The following LILRA2 variants were observed in gnomAD, a reference collection of about 807,000 sequenced individuals.
LILRA2 encodes the protein leukocyte immunoglobulin like receptor A2, also known as leukocyte immunoglobulin-like receptor subfamily A member 2.
Under a neutral mutation model 47.9 loss-of-function variants are expected in LILRA2, and 45 were observed. The ratio of observed to expected loss-of-function variants is 0.94; its 90% confidence interval spans 0.74 to 1.20. LILRA2 has a LOEUF of 1.20. Among genes scored for constraint, LILRA2 ranks in the 50% most tolerant of loss-of-function variants. The pLI is 0.00. For synonymous variants in LILRA2, 279 were observed against 249.2 expected, an observed-to-expected ratio of 1.12 and a Z score of -1.13; for missense variants, 651 against 598.2, an observed-to-expected ratio of 1.09 and a Z score of -0.92.
Position 54,590,222 on chromosome 19 carries a change from C to T in LILRA2, c.*2876C>T, listed in dbSNP as rs1271462534. 1 of 152,000 alleles carries T rather than the reference C, an allele frequency of 6.6e-6. No homozygotes were observed. The highest frequency in any genetic ancestry group is 2.1e-4 in the South Asian group (1 of 4,830). The allele number at this position is 152,000 out of a possible 1,614,324, so 9.4% of individuals were successfully genotyped here. A position where few individuals can be genotyped will look rare whatever the true frequency, so the allele number is the denominator to read the frequency against. On this transcript the variant is annotated 3_prime_UTR_variant, in exon 8 of 8. Transcript: ENST00000391738. ...TCTTTGTGTGCATTAATTATCTTTT[C>T]TATTTTTTTCATTTCTAGTTTTTCT...
chr19:54,573,652 C>A, upstream of LILRA2: 2 of 899,308 alleles, frequency 2.2e-6, no homozygotes, highest in South Asian at 1.7e-5. Flanking sequence ...GACCCCATTA[C>A]AGTCTGAAAT....
Position 54,575,448 on chromosome 19 carries a change from GC to G in LILRA2, c.851del (p.Pro284LeufsTer2). ...CTCTCCCAGGCCAACTTCACCCTGG[GC>G]CCTGTGAGCCCCTCCCACGGGGGCC... The part of the protein sequence containing the change: ...AGLSQANFTL[G>X]PVSPSHGGQY... On this transcript the variant is annotated frameshift_variant, in exon 5 of 8. Coordinates refer to ENST00000391738, the MANE Select transcript of LILRA2 (RefSeq NM_001130917.3). LOFTEE classifies it high-confidence loss of function. The G allele has an allele frequency of 6.2e-7, 1 of 1,613,864 alleles. No individual in the cohort carries two copies. Among genetic ancestry groups the G allele is most frequent in the Non-Finnish European group, 8.5e-7 (1 of 1,179,966 alleles).
intron 6 of LILRA2, among the ~76,000 whole-genome samples, chr19:54,583,927 G>A (rs1428129739): frequency 6.6e-6 from 1 of 152,156 alleles, no homozygotes; most frequent in East Asian, 1.9e-4. Context: ...TCCTTTCCAT[G>A]TTTAGTGCTT....
At chr19:54,573,352 C>A, upstream of LILRA2, 2 of 691,856 alleles carry the variant, frequency 2.9e-6, no homozygotes, top group South Asian at 1.5e-5. Context: ...GTGTCAGGTG[C>A]GTCTCTGCTG....
In LILRA2 at chr19:54,575,983, C is replaced by T. The variant is rs778497355; in HGVS notation, c.1129C>T (p.Gln377Ter). The T allele has an allele frequency of 2.5e-6, 4 of 1,614,046 alleles. No individual in the cohort carries two copies. Among genetic ancestry groups the T allele is most frequent in the Non-Finnish European group, 3.4e-6 (4 of 1,179,986 alleles). Residue 377 changes from glutamine (Q) to a stop codon, truncating the protein, a stop_gained, in exon 6 of 8, where the codon CAG (glutamine) becomes TAG (stop). Coordinates refer to ENST00000391738, the MANE Select transcript of LILRA2 (RefSeq NM_001130917.3). LOFTEE classifies it high-confidence loss of function. ...ATCAGAGCACCAAGCTCAGCAGAACCAGGCTGAATTCCGCATGGGTCCTGT... is the reference window on the plus strand; with the variant it reads ...ATCAGAGCACCAAGCTCAGCAGAACTAGGCTGAATTCCGCATGGGTCCTGT... Reference protein sequence around the residue: ...LRSEHQAQQNQAEFRMGPVTS... With the variant: ...LRSEHQAQQN
At chr19:54,583,963 C>T (rs968635357) in intron 6 of LILRA2, among the ~76,000 whole-genome samples, 8 of 152,126 alleles carry the variant, frequency 5.3e-5, no homozygotes, top group African/African-American at 1.9e-4. Flanking sequence ...TTAAGGCAGG[C>T]CTGGTGGTGA....
intron 6 of LILRA2, among the ~76,000 whole-genome samples, chr19:54,578,119 T>TTTTA (rs1555779640): frequency 0.036 from 5,412 of 150,620 alleles, 344 homozygotes; most frequent in African/African-American, 0.12. Context: ...TTTGATTTCT[T>TTTTA]TATATATATA....
At chr19:54,576,235 C>T (rs113056067) in intron 6 of LILRA2, 126 bp downstream of exon 6, 55,070 of 1,227,666 alleles carry the variant, frequency 0.045, 251 homozygotes, top group South Asian at 0.078. Flanking sequence ...AGGGTCCAGC[C>T]CATGGGAGAG....
chr19:54,574,158 C>T, intron 2 of LILRA2, 47 bp downstream of exon 2: 8 of 1,614,282 alleles, frequency 5.0e-6, no homozygotes, highest in Non-Finnish European at 4.2e-6. Flanking sequence ...TCACTAGGGA[C>T]AAGGGGCCAC....
chr19:54,573,194 A>G, upstream of LILRA2: 1 of 399,294 alleles, frequency 2.5e-6, no homozygotes, highest in Non-Finnish European at 4.7e-6. Flanking sequence ...TATGTGGCCC[A>G]GGGTAATCTG....
Position 54,587,264 on chromosome 19 carries a change from G to C in LILRA2, c.1370G>C (p.Gly457Ala). 6.2e-7 allele frequency: 1 copy of C among 1,614,158 alleles called. No individual in the cohort carries two copies. The highest frequency in any genetic ancestry group is 1.1e-5 in the South Asian group (1 of 91,082). Residue 457 changes from glycine (G) to alanine (A), a missense_variant, in exon 8 of 8, where the codon GGC becomes GCC. Physicochemically the swap from Gly to Ala is moderately conservative, Grantham distance 60 (BLOSUM62 0). Transcript: ENST00000391738. ...VENLIRMGVA[G>A]LVLVVLGILL... ...AATCTCATCCGCATGGGTGTGGCTG[G>C]CTTGGTCCTGGTGGTCCTCGGGATT...
chr19:54,578,603 C>T (rs1313491593), intron 6 of LILRA2, among the ~76,000 whole-genome samples: 3 of 152,120 alleles, frequency 2.0e-5, no homozygotes, highest in Admixed American at 6.6e-5. Context: ...GTGTCTTTGT[C>T]GTAGAATGGT....
At chr19:54,574,221 G>A (rs1261048844) in intron 2 of LILRA2, 80 bp from the exon 3 acceptor site, 7 of 1,613,908 alleles carry the variant, frequency 4.3e-6, no homozygotes, top group African/African-American at 4.0e-5. Flanking sequence ...TGATGGGGGT[G>A]TCTGGAGGGT....
upstream of LILRA2, chr19:54,573,556 G>A (rs2062213273): frequency 1.3e-6 from 1 of 770,974 alleles, no homozygotes; most frequent in Non-Finnish European, 2.2e-6. Context: ...GCAGACGCAG[G>A]AGGGCACCAG....
chr19:54,582,153 G>C (rs1213728169), intron 6 of LILRA2, among the ~76,000 whole-genome samples: 1 of 152,186 alleles, frequency 6.6e-6, no homozygotes, highest in Non-Finnish European at 1.5e-5. Context: ...TAAGCTTTTT[G>C]ATGTGCTGCT....
In LILRA2 at chr19:54,589,824, T is replaced by A; in HGVS notation, c.*2478T>A. 1 of 152,298 alleles carries A rather than the reference T, an allele frequency of 6.6e-6. No individual in the cohort carries two copies. Among genetic ancestry groups the A allele is most frequent in the East Asian group, 1.9e-4 (1 of 5,186 alleles). 9.4% of individuals were successfully genotyped at this position (152,298 alleles called of 1,614,324 possible). A position where few individuals can be genotyped will look rare whatever the true frequency, so the allele number is the denominator to read the frequency against. ...GGTATTTACTCACCATTTTGACTCC[T>A]CTTAACGAGACAGGCACATGCCAGC... is the stretch of plus-strand genomic sequence containing the variant. On this transcript the variant is annotated 3_prime_UTR_variant, in exon 8 of 8. Transcript: ENST00000391738.
At position 54,575,480 on chromosome 19, in the gene LILRA2, A is replaced by G. The variant is rs778845470; in HGVS notation, c.880A>G (p.Arg294Gly). ...PVSPSHGGQY[R>G]CYSAHNLSSE... ...GAGCCCCTCCCACGGGGGCCAGTAC[A>G]GATGCTACAGTGCACACAACCTCTC... The change falls in exon 5 of 8, where the codon AGA (arginine) becomes GGA (glycine). Residue 294 changes from arginine (R) to glycine (G), a missense_variant. Arg to Gly is a moderately radical substitution (Grantham distance 125). Coordinates refer to ENST00000391738, the MANE Select transcript of LILRA2 (RefSeq NM_001130917.3). 6.2e-7 allele frequency: 1 copy of G among 1,613,386 alleles called. No individual in the cohort carries two copies. Among genetic ancestry groups the G allele is most frequent in the South Asian group, 1.1e-5 (1 of 91,034 alleles).
chr19:54,578,492 A>G (rs1221166189), intron 6 of LILRA2, among the ~76,000 whole-genome samples: 1 of 152,192 alleles, frequency 6.6e-6, no homozygotes, highest in East Asian at 1.9e-4. Context: ...TCCATGGTGT[A>G]TATGTGCCAC....
intron 6 of LILRA2, among the ~76,000 whole-genome samples, chr19:54,576,396 G>A (rs559711008): frequency 3.3e-5 from 5 of 152,284 alleles, no homozygotes; most frequent in Admixed American, 1.3e-4. Flanking sequence ...GACCCCACCC[G>A]CTCCCCTCCT....
Sources: gnomAD v4.1 joint callset for allele counts (sites outside exome capture counted in the v4.1 genomes callset) on GRCh38, gnomAD v4.1.1 for gene constraint, MANE v1.5 for transcripts, NCBI Gene and HGNC (gene_info 2026-07-23, HGNC 2026-07-21) for gene names.